RNF212: variants seen among roughly 807,000 people sequenced by gnomAD.
The protein encoded by RNF212 is ring finger protein 212.
Under a neutral mutation model 34.7 loss-of-function variants are expected in RNF212, and 33 were observed. That is an observed-to-expected ratio of 0.95 (90% CI 0.72 to 1.27). The LOEUF is 1.27. Among genes scored for constraint, RNF212 ranks in the 50% most tolerant of loss-of-function variants. RNF212 has a pLI of 0.00. For synonymous variants in RNF212, 140 were observed against 136.1 expected (o/e 1.03, Z -0.20); for missense variants, 377 against 362.2 (o/e 1.04, Z -0.33).
intron 3 of RNF212, among the ~76,000 whole-genome samples, chr4:1,092,502 GGTTT>G (rs1283151085): frequency 2.8e-5 from 4 of 143,958 alleles, no homozygotes; most frequent in Non-Finnish European, 5.9e-5. Flanking sequence ...CCGCCTCCGT[GGTTT>G]GTCTGGCCTG....
chr4:1,073,147 C>T lies in RNF212; in HGVS notation c.621G>A (p.Leu207=), dbSNP rs763348421. 6.2e-7 allele frequency: 1 copy of T among 1,614,162 alleles called. No individual in the cohort carries two copies. The highest frequency in any genetic ancestry group is 1.3e-5 in the African/African-American group (1 of 75,028). The part of the protein sequence containing the change: ...ASFCFIPWLT[L]SKPPVPGECV... Reference sequence around the variant, plus strand: ...ACTCTCCGGGCACAGGGGGCTTAGACAAGGTCAACCATGGGATGAAACAGA... The same window carrying T: ...ACTCTCCGGGCACAGGGGGCTTAGATAAGGTCAACCATGGGATGAAACAGA... The change falls in exon 10 of 10, where the codon TTG becomes TTA. Residue 207 remains leucine, a synonymous_variant. Transcript: ENST00000433731.
intron 4 of RNF212, among the ~76,000 whole-genome samples, chr4:1,087,925 CTG>C (rs1395283419): frequency 6.6e-6 from 1 of 152,116 alleles, no homozygotes; most frequent in African/African-American, 2.4e-5. Context: ...CCATGCAGAA[CTG>C]TGAGTCAATT....
chr4:1,060,484 G>A lies in RNF212; in HGVS notation n.148-2091C>T, dbSNP rs1289855552. Among the ~76,000 whole-genome samples the A allele has an allele frequency of 2.6e-5, 4 of 152,340 alleles. No homozygotes were observed. The East Asian group carries it at 5.8e-4, about 22-fold the overall frequency. On this transcript the variant is annotated intron_variant and non_coding_transcript_variant, in intron 3 of 4. Coordinates refer to the RNF212 transcript ENST00000503206. ...CGAGAGCACCGCAGCCCTGAGGTGG[G>A]AGGAGCTCCTCAGGGTGCCAAGGGG...
At chr4:1,101,549 T>G (rs1723988062) in intron 2 of RNF212, 1 of 154,012 alleles carries the variant, frequency 6.5e-6, no homozygotes, top group African/African-American at 2.4e-5. Flanking sequence ...GAATAAGTTC[T>G]ACTGGGGAAG....
In RNF212 at chr4:1,113,473, G is replaced by A; in HGVS notation, c.-9C>T. The A allele has an allele frequency of 6.2e-7, 1 of 1,604,136 alleles. No individual in the cohort carries two copies. The highest frequency in any genetic ancestry group is 2.3e-5 in the East Asian group (1 of 44,036). ...AACACCCAGTTGGCCATGCCAGGCGGGCGACCGCAGCGGCGAGGCCGGGCC... is the reference window on the plus strand; with the variant it reads ...AACACCCAGTTGGCCATGCCAGGCGAGCGACCGCAGCGGCGAGGCCGGGCC... On this transcript the variant is annotated 5_prime_UTR_variant, in exon 1 of 10. Coordinates refer to ENST00000433731, the MANE Select transcript of RNF212 (RefSeq NM_001131034.4).
chr4:1,100,012 AGCCCTAATTTACT>A, intron 2 of RNF212: 1 of 396,670 alleles, frequency 2.5e-6, no homozygotes, highest in South Asian at 1.9e-5. Context: ...TAGGAATGCC[AGCCCTAATTTACT>A]GTCTTGAAAC....
chr4:1,081,520 C>A, intron 6 of RNF212, 47 bp downstream of exon 6: 1 of 1,604,398 alleles, frequency 6.2e-7, no homozygotes, highest in Non-Finnish European at 8.5e-7. Context: ...TGTGACTCAG[C>A]AACATGCATC....
intron 4 of RNF212, among the ~76,000 whole-genome samples, chr4:1,057,174 C>T (rs554087204): frequency 2.0e-5 from 3 of 152,268 alleles, no homozygotes; most frequent in Admixed American, 6.5e-5. Flanking sequence ...AGATGTGGAC[C>T]GATGCTGCAG....
chr4:1,099,923 G>C, intron 2 of RNF212: 1 of 454,704 alleles, frequency 2.2e-6, no homozygotes, highest in South Asian at 1.5e-5. Context: ...CACAGGAAAG[G>C]GGCGCTGCAA....
chr4:1,094,211 C>T (rs544450201), intron 3 of RNF212, among the ~76,000 whole-genome samples: 19 of 152,232 alleles, frequency 1.2e-4, no homozygotes, highest in African/African-American at 4.6e-4. Flanking sequence ...GGGTGGCCAA[C>T]GGTGGGAGCT....
At chr4:1,086,053 T>C in intron 4 of RNF212, 99 bp from the exon 5 acceptor site, 1 of 892,066 alleles carries the variant, frequency 1.1e-6, no homozygotes, top group South Asian at 1.3e-5. Context: ...TGTGGGTTAC[T>C]CTGCATGGAG....
chr4:1,058,280 G>A (rs1717478793), intron 4 of RNF212: 1 of 657,870 alleles, frequency 1.5e-6, no homozygotes, highest in Non-Finnish European at 1.9e-6. Context: ...GCTTGCGGGG[G>A]TTAGAACGCA....
intron 3 of RNF212, among the ~76,000 whole-genome samples, chr4:1,094,489 C>A (rs1047292463): frequency 3.9e-5 from 6 of 152,178 alleles, no homozygotes; most frequent in African/African-American, 1.4e-4. Flanking sequence ...CAAGCCGCAA[C>A]TGAGAGGACT....
intron 9 of RNF212, 82 bp downstream of exon 9, chr4:1,073,517 G>C (rs1469410989): frequency 1.8e-6 from 2 of 1,111,508 alleles, no homozygotes; most frequent in African/African-American, 1.5e-5. Flanking sequence ...GGTTCTGACA[G>C]CTTTGATTAA....
chr4:1,081,608 G>A lies in RNF212; in HGVS notation c.374C>T (p.Ser125Leu). 4 of 1,607,990 alleles carry A rather than the reference G, an allele frequency of 2.5e-6. No homozygotes were observed. Among genetic ancestry groups the A allele is most frequent in the Non-Finnish European group, 8.5e-7 (1 of 1,174,516 alleles). Reference protein sequence around the residue: ...QIEQLQSMRSSQQTAFSTIKS... With the variant: ...QIEQLQSMRSLQQTAFSTIKS... Reference sequence around the variant, plus strand: ...TATTGTGCTGAAAGCTGTTTGTTGTGATGATCTCATACTAAATAGATGGAG... The same window carrying A: ...TATTGTGCTGAAAGCTGTTTGTTGTAATGATCTCATACTAAATAGATGGAG... Residue 125 changes from serine to leucine, a missense_variant, in exon 6 of 10, where the codon TCA (serine) becomes TTA (leucine). Transcript: ENST00000433731.
chr4:1,088,969 G>A (rs529985048), intron 4 of RNF212, among the ~76,000 whole-genome samples: 1 of 152,368 alleles, frequency 6.6e-6, no homozygotes, highest in East Asian at 1.9e-4. Flanking sequence ...CTGCTGCAGA[G>A]GCAGAGCCCT....
At chr4:1,094,057 G>T in intron 3 of RNF212, 1 of 1,497,796 alleles carries the variant, frequency 6.7e-7, no homozygotes, top group South Asian at 1.3e-5. Flanking sequence ...GAAGCTCCCA[G>T]AGGAGGACAG....
intron 3 of RNF212, among the ~76,000 whole-genome samples, chr4:1,060,097 C>CAAA (rs1162381231): frequency 2.7e-5 from 1 of 36,800 alleles, no homozygotes; most frequent in Non-Finnish European, 5.0e-5. Flanking sequence ...GAAACTCCAT[C>CAAA]AAAAAAAAAA....
chr4:1,099,469 C>T (rs527429469), intron 2 of RNF212, among the ~76,000 whole-genome samples: 5 of 152,092 alleles, frequency 3.3e-5, no homozygotes, highest in African/African-American at 1.2e-4. Flanking sequence ...GGTGGGGCCT[C>T]CTGCAGTGAG....
Sources: allele counts gnomAD v4.1 joint callset (sites outside exome capture counted in the v4.1 genomes callset), GRCh38; gene constraint gnomAD v4.1.1; transcripts MANE v1.5; gene names NCBI Gene and HGNC (gene_info 2026-07-23, HGNC 2026-07-21).